Variants in SCN11A observed in about 807,000 individuals in gnomAD.
SCN11A encodes sodium channel protein type 11 subunit alpha.
In SCN11A, 122 loss-of-function variants were observed where a neutral mutation model predicts 162.2. That is an observed-to-expected ratio of 0.75 (90% CI 0.65 to 0.87). The LOEUF is 0.87. Among genes scored for constraint, SCN11A ranks in the 40% least tolerant of loss-of-function variants. The pLI, the probability that SCN11A is intolerant of heterozygous loss-of-function variation, is 0.00. For synonymous variants in SCN11A, 758 were observed against 751.5 expected (o/e 1.01, Z -0.14); for missense variants, 2,015 against 2,181.6 (o/e 0.92, Z 1.52).
intron 7 of SCN11A, among the ~76,000 whole-genome samples, chr3:38,939,525 T>C (rs962517451): frequency 2.0e-5 from 3 of 152,184 alleles, no homozygotes; most frequent in Non-Finnish European, 4.4e-5. Context: ...CTTATATCCC[T>C]CTCCAAAAGA....
chr3:38,961,445 T>C (rs534136050), intron 2 of SCN11A, among the ~76,000 whole-genome samples: 21 of 152,334 alleles, frequency 1.4e-4, no homozygotes, highest in South Asian at 6.2e-4. Context: ...TGGAGAGGAA[T>C]TGAAACCACA....
chr3:38,861,791 A>C (rs1177959817), intron 28 of SCN11A, among the ~76,000 whole-genome samples: 4 of 152,184 alleles, frequency 2.6e-5, no homozygotes, highest in Non-Finnish European at 4.4e-5. Flanking sequence ...AAATTATAGA[A>C]TATAACATCA....
At chr3:38,926,252 T>C (rs992072804) in intron 8 of SCN11A, among the ~76,000 whole-genome samples, 2 of 152,154 alleles carry the variant, frequency 1.3e-5, no homozygotes, top group Non-Finnish European at 2.9e-5. Context: ...AAATGGACCA[T>C]GGACTGAAAC....
At position 39,036,780 on chromosome 3, in the gene SCN11A, A is replaced by ATAT. The variant is rs1184088611; in HGVS notation, c.-403-4280_-403-4278dup. Among the ~76,000 whole-genome samples, 4 of 152,106 alleles carry ATAT rather than the reference A, an allele frequency of 2.6e-5. No individual in the cohort carries two copies. In the East Asian group the frequency reaches 7.7e-4, roughly 29 times the overall value. On this transcript the variant is annotated intron_variant, in intron 1 of 29. Transcript: ENST00000302328. ...CATCAAAGAAATGCAGATCAAAACT[A>ATAT]TATTATCTCACCCCAGTTAAAATGG...
At chr3:38,899,832 C>A in intron 17 of SCN11A, 62 bp downstream of exon 17, 3 of 1,419,892 alleles carry the variant, frequency 2.1e-6, no homozygotes, top group Non-Finnish European at 2.9e-6. Flanking sequence ...ACTGAACTCA[C>A]TCAAAACGTT....
intron 2 of SCN11A, among the ~76,000 whole-genome samples, chr3:38,980,716 T>A (rs1398859741): frequency 6.6e-6 from 1 of 152,162 alleles, no homozygotes; most frequent in Non-Finnish European, 1.5e-5. Context: ...TACAGATAAA[T>A]CAGGTCAGAT....
intron 2 of SCN11A, among the ~76,000 whole-genome samples, chr3:39,030,125 C>T (rs147893907): frequency 2.4e-4 from 36 of 152,300 alleles, no homozygotes; most frequent in African/African-American, 8.4e-4. Context: ...AAAGCTCAAG[C>T]TCACTGAAGA....
At chr3:38,967,899 C>G (rs1331964989) in intron 2 of SCN11A, among the ~76,000 whole-genome samples, 2 of 152,224 alleles carry the variant, frequency 1.3e-5, no homozygotes, top group Non-Finnish European at 2.9e-5. Flanking sequence ...TTCCACTATT[C>G]ATTCCTTGTA....
At chr3:38,964,448 A>G (rs2066768814) in intron 2 of SCN11A, among the ~76,000 whole-genome samples, 1 of 152,252 alleles carries the variant, frequency 6.6e-6, no homozygotes, top group African/African-American at 2.4e-5. Flanking sequence ...CATCTGCTGC[A>G]TGAGAAAGAA....
At chr3:38,927,696 T>G (rs776678549) in intron 7 of SCN11A, among the ~76,000 whole-genome samples, 23 of 152,286 alleles carry the variant, frequency 1.5e-4, no homozygotes, top group Non-Finnish European at 3.1e-4. Context: ...CATGTCCTTC[T>G]TCATACGGCA....
chr3:38,903,934 A>G lies in SCN11A; in HGVS notation c.1773T>C (p.Thr591=), dbSNP rs1291191919. 6.2e-7 allele frequency: 1 copy of G among 1,614,080 alleles called. No homozygotes were observed. Among genetic ancestry groups the G allele is most frequent in the Admixed American group, 1.7e-5 (1 of 60,016 alleles). ...TGTGATGCTCCATGGCCAAGAAGAC[A>G]GTGTTGATGATGATGCAGATGGTGA... The part of the protein sequence containing the change: ...LAITICIIIN[T]VFLAMEHHKM... The change falls in exon 16 of 30, where the codon ACT becomes ACC. Residue 591 remains threonine, a synonymous_variant. Coordinates refer to ENST00000302328, the MANE Select transcript of SCN11A (RefSeq NM_001349253.2).
intron 9 of SCN11A, among the ~76,000 whole-genome samples, chr3:38,922,482 G>C (rs1283210641): frequency 6.6e-6 from 1 of 152,184 alleles, no homozygotes; most frequent in African/African-American, 2.4e-5. Flanking sequence ...AAAGCATCCA[G>C]GCATCTCAGT....
intron 2 of SCN11A, among the ~76,000 whole-genome samples, chr3:39,008,234 T>A (rs1381261992): frequency 2.6e-5 from 4 of 152,190 alleles, no homozygotes; most frequent in Admixed American, 6.5e-5. Flanking sequence ...AAAATAATAA[T>A]GGAAAATCAT....
Position 38,946,840 on chromosome 3 carries a change from A to T in SCN11A, c.335T>A (p.Phe112Tyr). 1 of 1,614,128 alleles carries T rather than the reference A, an allele frequency of 6.2e-7. No individual in the cohort carries two copies. The highest frequency in any genetic ancestry group is 8.5e-7 in the Non-Finnish European group (1 of 1,179,988). The change falls in exon 6 of 30, where the codon TTT becomes TAT. Residue 112 changes from phenylalanine (F) to tyrosine (Y), a missense_variant. Transcript: ENST00000302328. ...RFSAKHALFI[F>Y]GPFNSIRSLA... ...ACTTCTGATTGAATTGAAAGGCCCA[A>T]AAATGAACAAGGCATGCTTGGCACT...
intron 2 of SCN11A, among the ~76,000 whole-genome samples, chr3:39,002,120 T>C (rs2030834538): frequency 6.6e-6 from 1 of 152,206 alleles, no homozygotes; most frequent in Non-Finnish European, 1.5e-5. Flanking sequence ...ACCATAGATG[T>C]ATGAGTTTAT....
At chr3:38,932,333 C>A (rs7639302) in intron 7 of SCN11A, among the ~76,000 whole-genome samples, 2 of 152,196 alleles carry the variant, frequency 1.3e-5, no homozygotes, top group Non-Finnish European at 2.9e-5. Context: ...TCTGAGGTAA[C>A]GGGTTCATCT....
intron 6 of SCN11A, 48 bp from the exon 7 acceptor site, chr3:38,945,560 A>G (rs746430023): frequency 4.5e-6 from 6 of 1,335,056 alleles, no homozygotes; most frequent in Middle Eastern, 1.9e-4. Flanking sequence ...GGCATGCATC[A>G]TTAGCTACTG....
At chr3:38,898,780 C>T (rs80012542) in intron 17 of SCN11A, among the ~76,000 whole-genome samples, 41 of 152,114 alleles carry the variant, frequency 2.7e-4, no homozygotes, top group African/African-American at 9.9e-4. Flanking sequence ...TGTTGCAGGT[C>T]AGTAAGGCTT....
intron 2 of SCN11A, among the ~76,000 whole-genome samples, chr3:39,013,895 A>G (rs1400050384): frequency 1.3e-5 from 2 of 152,246 alleles, no homozygotes; most frequent in African/African-American, 4.8e-5. Context: ...GTGCAAAACC[A>G]CAGGGAAAAG....
Sources: allele counts gnomAD v4.1 joint callset (sites outside exome capture counted in the v4.1 genomes callset), GRCh38; gene constraint gnomAD v4.1.1; transcripts MANE v1.5; gene names NCBI Gene and HGNC (gene_info 2026-07-23, HGNC 2026-07-21).